TMEM266: variants seen among roughly 807,000 people sequenced by gnomAD.
TMEM266 encodes the protein transmembrane protein 266.
TMEM266 carries 33 observed loss-of-function variants against 50.5 expected under a neutral mutation model. That is an observed-to-expected ratio of 0.65 (90% CI 0.50 to 0.87). TMEM266 has a LOEUF of 0.87. TMEM266 is among the 40% of genes least tolerant of loss of function. The pLI is 0.00. For missense variants in TMEM266, 655 were observed against 695.1 expected, an observed-to-expected ratio of 0.94 and a Z score of 0.65; for synonymous variants, 310 against 292.3, an observed-to-expected ratio of 1.06 and a Z score of -0.62.
At chr15:76,154,837 G>C (rs1455268608) in intron 3 of TMEM266, among the ~76,000 whole-genome samples, 1 of 152,224 alleles carries the variant, frequency 6.6e-6, no homozygotes, top group African/African-American at 2.4e-5. Context: ...AGCTTTGTCT[G>C]TCCTTCCAAT....
chr15:76,189,951 C>G (rs1039345521), intron 8 of TMEM266, among the ~76,000 whole-genome samples: 2 of 152,210 alleles, frequency 1.3e-5, no homozygotes, highest in Admixed American at 1.3e-4. Flanking sequence ...TCCCAGAGAC[C>G]GAACCTATAG....
chr15:76,169,508 T>TG (rs150798816), intron 5 of TMEM266, among the ~76,000 whole-genome samples: 7,468 of 152,222 alleles, frequency 0.049, 409 homozygotes, highest in African/African-American at 0.14. Context: ...CCAAGGGATT[T>TG]GAGTGTATTC....
rs559185435 is a variant in TMEM266 at position 76,165,733 on chromosome 15, G to T, written c.457-4083G>T. On this transcript the variant is annotated intron_variant, in intron 5 of 10. Transcript: ENST00000388942. ...AGCTCTGAAGGTGGCCGCATGAGGG[G>T]CGTGGATCTGCTTTCAGTCCAGATC... Among the ~76,000 whole-genome samples, 1,188 of 152,330 alleles carry T rather than the reference G, an allele frequency of 7.8e-3. 21 individuals are homozygous for T. Among genetic ancestry groups the T allele is most frequent in the African/African-American group, 0.028 (1,145 of 41,560 alleles).
rs145712610 is a variant in TMEM266 at position 76,203,021 on chromosome 15, C to G, written c.1022-720C>G. ...CCGTCTCCAGCCCAGACCTCTCTCC[C>G]AGTCCTCCACAACTTTGGGGAGAAA... On this transcript the variant is annotated intron_variant, in intron 10 of 10. Transcript: ENST00000388942. Among the ~76,000 whole-genome samples, 790 of 151,962 alleles carry G rather than the reference C, an allele frequency of 5.2e-3. 8 individuals carry two copies. Among genetic ancestry groups the G allele is most frequent in the African/African-American group, 0.018 (730 of 41,536 alleles).
intron 1 of TMEM266, among the ~76,000 whole-genome samples, chr15:76,074,000 C>T (rs1041732161): frequency 2.0e-5 from 3 of 151,102 alleles, no homozygotes; most frequent in East Asian, 1.9e-4. Context: ...TGTTTGTAGT[C>T]GAATACTATT....
At chr15:76,163,046 G>C (rs2038042184) in intron 5 of TMEM266, among the ~76,000 whole-genome samples, 1 of 152,236 alleles carries the variant, frequency 6.6e-6, no homozygotes, top group African/African-American at 2.4e-5. Context: ...TCTCAGCTGA[G>C]CCTTAGGACA....
At chr15:76,191,329 A>G (rs1027757896) in intron 8 of TMEM266, 2 of 152,260 alleles carry the variant, frequency 1.3e-5, no homozygotes, top group Non-Finnish European at 2.9e-5. Context: ...AGAGGAAGCA[A>G]CCCAAGTCCT....
intron 8 of TMEM266, among the ~76,000 whole-genome samples, chr15:76,183,935 G>A (rs1301747649): frequency 6.6e-6 from 1 of 152,202 alleles, no homozygotes; most frequent in Non-Finnish European, 1.5e-5. Flanking sequence ...TGGTCTGATT[G>A]GGAGCCAGGG....
At chr15:76,087,963 A>G (rs2036797860) in intron 1 of TMEM266, among the ~76,000 whole-genome samples, 1 of 152,200 alleles carries the variant, frequency 6.6e-6, no homozygotes, top group African/African-American at 2.4e-5. Flanking sequence ...CCAGTGATCT[A>G]TTCACAACCT....
intron 8 of TMEM266, among the ~76,000 whole-genome samples, chr15:76,188,749 A>G (rs1318078276): frequency 1.3e-5 from 2 of 152,224 alleles, no homozygotes; most frequent in Non-Finnish European, 2.9e-5. Context: ...TGGGAACTAC[A>G]ATTCGAGATG....
In TMEM266 at chr15:76,150,517, G is replaced by A. The variant is rs1422820585; in HGVS notation, c.228-6087G>A. Among the ~76,000 whole-genome samples the A allele has an allele frequency of 8.5e-5, 13 of 152,250 alleles. No homozygotes were observed. The East Asian group carries it at 1.5e-3, about 18-fold the overall frequency. ...TTTAGGACACCTTGAGGGTCTCCAC[G>A]GTCCCCCTGCTCTAGCCACTCCCCA... On this transcript the variant is annotated intron_variant, in intron 3 of 10. Transcript: ENST00000388942.
intron 1 of TMEM266, among the ~76,000 whole-genome samples, chr15:76,123,173 A>G (rs1168358440): frequency 1.3e-5 from 2 of 152,244 alleles, no homozygotes; most frequent in African/African-American, 2.4e-5. Flanking sequence ...TAATTTTGCA[A>G]TAGACTGGAG....
chr15:76,181,877 G>A (rs2038414301), intron 8 of TMEM266, among the ~76,000 whole-genome samples: 4 of 152,156 alleles, frequency 2.6e-5, no homozygotes, highest in Admixed American at 6.5e-5. Flanking sequence ...CGTTACACCC[G>A]CTCTTTCATG....
At chr15:76,199,296 C>T (rs930192653) in intron 9 of TMEM266, among the ~76,000 whole-genome samples, 7 of 152,238 alleles carry the variant, frequency 4.6e-5, no homozygotes, top group Non-Finnish European at 8.8e-5. Context: ...TCGGCCAGAC[C>T]AGTCCGAAGC....
At chr15:76,132,550 C>A (rs2037526130) in intron 1 of TMEM266, among the ~76,000 whole-genome samples, 1 of 151,784 alleles carries the variant, frequency 6.6e-6, no homozygotes, top group Admixed American at 6.6e-5. Flanking sequence ...AATCCCAGCA[C>A]TTTGGGAGGC....
chr15:76,192,068 C>A lies in TMEM266; in HGVS notation c.869C>A (p.Pro290Gln), dbSNP rs768333397. The A allele has an allele frequency of 1.2e-5, 18 of 1,486,064 alleles. No homozygotes were observed. In the South Asian group the frequency reaches 2.1e-4, roughly 18 times the overall value. The allele number at this position is 1,486,064 out of a possible 1,614,324, so 92.1% of individuals were successfully genotyped here. Reference sequence around the variant, plus strand: ...CAGGCCCCGCACGTGCTCAGCCAGCCGCGCAGCCGCTTCAAAGTGTTGGAG... The same window carrying A: ...CAGGCCCCGCACGTGCTCAGCCAGCAGCGCAGCCGCTTCAAAGTGTTGGAG... Residue 290 changes from proline (P) to glutamine (Q), a missense_variant, in exon 9 of 11, where the codon CCG becomes CAG. Transcript: ENST00000388942.
rs775946935 is a variant in TMEM266 at position 76,070,874 on chromosome 15, A to C, written c.-97+10858A>C. On this transcript the variant is annotated intron_variant, in intron 1 of 10. Transcript: ENST00000388942. ...GGTCCTCCAATGCTAGGCCACCAAA[A>C]ATGACAAATACTTACCCTCCCACTA... 6.6e-4 allele frequency among the ~76,000 whole-genome samples: 100 copies of C among 152,262 alleles called. 1 individual carries two copies. The highest frequency in any genetic ancestry group is 3.4e-3 in the Admixed American group (52 of 15,308).
chr15:76,184,973 G>C (rs920392174), intron 8 of TMEM266, among the ~76,000 whole-genome samples: 2 of 152,152 alleles, frequency 1.3e-5, no homozygotes, highest in Admixed American at 6.5e-5. Context: ...TGGAAGATTT[G>C]CTTCATCGGA....
intron 1 of TMEM266, among the ~76,000 whole-genome samples, chr15:76,076,801 A>G (rs557116964): frequency 9.9e-5 from 15 of 152,230 alleles, no homozygotes; most frequent in East Asian, 9.6e-4. Context: ...TTAATAGCAT[A>G]TTTAAAGATG....
Sources: allele counts gnomAD v4.1 joint callset (sites outside exome capture counted in the v4.1 genomes callset), GRCh38; gene constraint gnomAD v4.1.1; transcripts MANE v1.5; gene names NCBI Gene and HGNC (gene_info 2026-07-23, HGNC 2026-07-21).